The following CCDC7 variants were observed in gnomAD, a reference collection of about 807,000 sequenced individuals.
CCDC7 encodes coiled-coil domain-containing protein 7.
A neutral mutation model predicts 196.9 loss-of-function variants in CCDC7; 183 were observed. That is an observed-to-expected ratio of 0.93 (90% CI 0.82 to 1.05). CCDC7 has a LOEUF of 1.05. Ranked by LOEUF, CCDC7 falls within the 50% of genes least tolerant of loss-of-function variation. The probability of loss-of-function intolerance (pLI) is 0.00; values close to 1 mark genes in which losing one functional copy is unlikely to be tolerated. For missense variants in CCDC7, 1,540 were observed against 1,482.2 expected (o/e 1.04, Z -0.64); for synonymous variants, 525 against 484.6 (o/e 1.08, Z -1.10).
intron 18 of CCDC7, among the ~76,000 whole-genome samples, chr10:32,628,311 A>C (rs72780304): frequency 0.011 from 1,731 of 151,750 alleles, 16 homozygotes; most frequent in Non-Finnish European, 0.018. Context: ...TTGGCATGTA[A>C]TTGTTTATAG....
intron 41 of CCDC7, among the ~76,000 whole-genome samples, chr10:32,866,093 A>C (rs1279980735): frequency 6.6e-6 from 1 of 151,824 alleles, no homozygotes. Context: ...TTCTCCATTA[A>C]AATGAATCAG....
intron 29 of CCDC7, among the ~76,000 whole-genome samples, chr10:32,799,154 C>T (rs2084258107): frequency 6.6e-6 from 1 of 152,172 alleles, no homozygotes; most frequent in Admixed American, 6.5e-5. Context: ...TGCATTGTGA[C>T]TTGATGACCC....
At position 32,784,740 on chromosome 10, in the gene CCDC7, G is replaced by A. The variant is rs1214152199; in HGVS notation, c.3013+5656G>A. Among the ~76,000 whole-genome samples, 3 of 152,176 alleles carry A rather than the reference G, an allele frequency of 2.0e-5. No individual in the cohort carries two copies. In the East Asian group the frequency reaches 5.8e-4, roughly 30 times the overall value. On this transcript the variant is annotated intron_variant, in intron 29 of 41. Coordinates refer to ENST00000639629, the Ensembl canonical transcript of CCDC7. ...ACACGTGCTGGGCGCCGTGACTCGT[G>A]CCTGTAATCCCAGCACTTTGGGAGG... is the stretch of plus-strand genomic sequence containing the variant.
At chr10:32,854,300 G>A (rs1417712488) in intron 40 of CCDC7, 100 bp from the exon 42 acceptor site, 2 of 691,014 alleles carry the variant, frequency 2.9e-6, no homozygotes, top group African/African-American at 1.8e-5. Flanking sequence ...AAGTTGTAAG[G>A]AAACTGTGTT....
chr10:32,571,157 C>T (rs540265044), intron 15 of CCDC7, among the ~76,000 whole-genome samples: 6 of 151,728 alleles, frequency 4.0e-5, no homozygotes, highest in Admixed American at 1.3e-4. Context: ...TACAGGCGCC[C>T]GCCACCATGC....
chr10:32,679,920 A>C (rs2075612990), intron 21 of CCDC7, among the ~76,000 whole-genome samples: 2 of 152,234 alleles, frequency 1.3e-5, no homozygotes, highest in African/African-American at 4.8e-5. Context: ...TGAATGGGGC[A>C]TGTGCAGTGT....
At chr10:32,684,280 C>T (rs1236241861) in intron 21 of CCDC7, among the ~76,000 whole-genome samples, 1 of 152,154 alleles carries the variant, frequency 6.6e-6, no homozygotes, top group Non-Finnish European at 1.5e-5. Context: ...TCCCAGGGTG[C>T]TCAGGAATCC....
At chr10:32,807,141 A>G (rs1030652187) in intron 30 of CCDC7, among the ~76,000 whole-genome samples, 8 of 152,138 alleles carry the variant, frequency 5.3e-5, no homozygotes, top group African/African-American at 1.9e-4. Flanking sequence ...CAGGTTGAAA[A>G]CCATTGACCT....
At position 32,623,524 on chromosome 10, in the gene CCDC7, A is replaced by G. The variant is rs184983142; in HGVS notation, c.1802-10730A>G. On this transcript the variant is annotated intron_variant, in intron 18 of 41. Coordinates refer to ENST00000639629, the Ensembl canonical transcript of CCDC7. Reference sequence around the variant, plus strand: ...TCATTGCACAAATACTTTGTTTTTAACACTTTAGTAAGTTTTAATGTCTTA... The same window carrying G: ...TCATTGCACAAATACTTTGTTTTTAGCACTTTAGTAAGTTTTAATGTCTTA... Among the ~76,000 whole-genome samples, 308 of 152,246 alleles carry G rather than the reference A, an allele frequency of 2.0e-3. 2 individuals carry two copies. Among genetic ancestry groups the G allele is most frequent in the Non-Finnish European group, 9.6e-4 (65 of 68,006 alleles).
chr10:32,563,469 A>G (rs1011901763), intron 13 of CCDC7, among the ~76,000 whole-genome samples: 1 of 152,242 alleles, frequency 6.6e-6, no homozygotes, highest in Non-Finnish European at 1.5e-5. Flanking sequence ...TCAATGGAAC[A>G]GAACAGAGTC....
chr10:32,747,808 T>C (rs12255019), intron 28 of CCDC7, among the ~76,000 whole-genome samples: 17,258 of 152,124 alleles, frequency 0.11, 1,169 homozygotes, highest in South Asian at 0.27. Flanking sequence ...TAGAGATTGG[T>C]TCTCAAAGAA....
At chr10:32,519,598 T>C (rs1483317577) in intron 11 of CCDC7, among the ~76,000 whole-genome samples, 1 of 152,094 alleles carries the variant, frequency 6.6e-6, no homozygotes, top group Non-Finnish European at 1.5e-5. Context: ...TTTATTTTTG[T>C]GGGTACATAG....
At chr10:32,580,048 G>A (rs567247302) in intron 16 of CCDC7, among the ~76,000 whole-genome samples, 2 of 152,198 alleles carry the variant, frequency 1.3e-5, no homozygotes, top group African/African-American at 4.8e-5. Flanking sequence ...GAGAGTCTCT[G>A]CCAAGCTACC....
chr10:32,482,927 T>G (rs1162473238), intron 8 of CCDC7, among the ~76,000 whole-genome samples: 2 of 152,220 alleles, frequency 1.3e-5, no homozygotes, highest in East Asian at 1.9e-4. Flanking sequence ...GTTCCAAGTC[T>G]TTGCTATTGT....
At chr10:32,510,686 C>A (rs991974054) in intron 9 of CCDC7, among the ~76,000 whole-genome samples, 1 of 152,052 alleles carries the variant, frequency 6.6e-6, no homozygotes, top group Non-Finnish European at 1.5e-5. Context: ...ATTCATCCAT[C>A]AACATACAAC....
intron 8 of CCDC7, among the ~76,000 whole-genome samples, chr10:32,485,659 C>G (rs768919286): frequency 6.6e-6 from 1 of 152,224 alleles, no homozygotes; most frequent in African/African-American, 2.4e-5. Context: ...CCTCTACACA[C>G]TGCTTTGAAT....
At chr10:32,802,226 G>A (rs2084938735) in intron 29 of CCDC7, among the ~76,000 whole-genome samples, 2 of 152,060 alleles carry the variant, frequency 1.3e-5, no homozygotes, top group Admixed American at 1.3e-4. Flanking sequence ...GTGAACTTAG[G>A]AGCAACCAAC....
At position 32,854,399 on chromosome 10, in the gene CCDC7, G is replaced by T; in HGVS notation, c.4022-1G>T. 6.4e-7 allele frequency: 1 copy of T among 1,567,992 alleles called. No individual in the cohort carries two copies. Among genetic ancestry groups the T allele is most frequent in the South Asian group, 1.1e-5 (1 of 87,946 alleles). On this transcript the variant is annotated splice_acceptor_variant, in intron 40 of 41. Transcript: ENST00000639629. LOFTEE classifies it high-confidence loss of function. ...TAATAACACTGTTCTCATTTTTTTA[G>T]GGCATTCGAAAGTTGTTACCTTAAG... is the stretch of plus-strand genomic sequence containing the variant.
At chr10:32,817,068 G>T (rs1432846261) in intron 31 of CCDC7, among the ~76,000 whole-genome samples, 1 of 152,016 alleles carries the variant, frequency 6.6e-6, no homozygotes, top group Admixed American at 6.6e-5. Flanking sequence ...AACCCATGGC[G>T]AAGAAGTTAA....
Sources: allele counts gnomAD v4.1 joint callset (sites outside exome capture counted in the v4.1 genomes callset), GRCh38; gene constraint gnomAD v4.1.1; transcripts MANE v1.5; gene names NCBI Gene and HGNC (gene_info 2026-07-23, HGNC 2026-07-21).